INPP5D: variants seen among roughly 807,000 people sequenced by gnomAD.
INPP5D encodes inositol polyphosphate-5-phosphatase D.
INPP5D carries 33 observed loss-of-function variants against 122.9 expected under a neutral mutation model. The observed-to-expected ratio is 0.27, with a 90% confidence interval of 0.20 to 0.36. The LOEUF (loss-of-function observed/expected upper bound fraction) is 0.36. Ranked by LOEUF, INPP5D falls within the 10% of genes least tolerant of loss-of-function variation. INPP5D has a pLI of 1.00. For synonymous variants in INPP5D, 584 were observed against 576.2 expected, an observed-to-expected ratio of 1.01 and a Z score of -0.19; for missense variants, 1,053 against 1,412.7, an observed-to-expected ratio of 0.75 and a Z score of 4.08.
intron 23 of INPP5D, among the ~76,000 whole-genome samples, chr2:233,194,802 T>C (rs554468424): frequency 1.5e-4 from 22 of 151,246 alleles, no homozygotes; most frequent in African/African-American, 4.6e-4. Context: ...GAGCCTTTTT[T>C]TTTCTTTCTT....
At chr2:233,129,193 TGA>T (rs1168320856) in intron 4 of INPP5D, among the ~76,000 whole-genome samples, 1 of 152,020 alleles carries the variant, frequency 6.6e-6, no homozygotes, top group East Asian at 1.9e-4. Context: ...AATAAATAAA[TGA>T]AGGCTTGTAA....
Position 233,200,643 on chromosome 2 carries a change from C to T in INPP5D, c.2975+2267C>T, listed in dbSNP as rs1284523591. On this transcript the variant is annotated intron_variant, in intron 25 of 26. Transcript: ENST00000445964. ...AGAAGCTGTTGACAGTCTCATTTCT[C>T]AAAATATGCGAGATATGCTCTAAGA... 3.9e-5 allele frequency among the ~76,000 whole-genome samples: 6 copies of T among 152,172 alleles called. 1 individual carries two copies. The highest frequency in any genetic ancestry group is 1.4e-4 in the African/African-American group (6 of 41,432).
At chr2:233,191,481 G>T (rs915744937) in intron 22 of INPP5D, among the ~76,000 whole-genome samples, 1 of 152,166 alleles carries the variant, frequency 6.6e-6, no homozygotes, top group African/African-American at 2.4e-5. Context: ...TCTTGCACTG[G>T]GTTAGATGCA....
In INPP5D at chr2:233,170,065, C is replaced by T; in HGVS notation, c.1692C>T (p.Ala564=). Residue 564 remains alanine, a synonymous_variant, in exon 15 of 27, where the codon GCC becomes GCT. Transcript: ENST00000445964. This position sits in a 1 kb window ranked among gnomAD's most constrained non-coding sequence, Gnocchi z 4.5. ...QNYMNILRFL[A]LGDKKLSPFN... ...ATATGAACATTCTCCGGTTCCTGGC[C>T]CTGGGCGACAAGAAGCTGAGTCCCT... is the stretch of plus-strand genomic sequence containing the variant. 6.2e-7 allele frequency: 1 copy of T among 1,614,060 alleles called. No individual in the cohort carries two copies. The highest frequency in any genetic ancestry group is 2.2e-5 in the East Asian group (1 of 44,892).
At chr2:233,075,617 G>GTA (rs899055989) in intron 1 of INPP5D, among the ~76,000 whole-genome samples, 2 of 152,036 alleles carry the variant, frequency 1.3e-5, no homozygotes, top group African/African-American at 4.8e-5. Flanking sequence ...GTGTGTGTGT[G>GTA]TATATAGGAC....
intron 24 of INPP5D, among the ~76,000 whole-genome samples, chr2:233,196,963 A>G (rs1264060881): frequency 6.6e-6 from 1 of 152,186 alleles, no homozygotes; most frequent in Non-Finnish European, 1.5e-5. Context: ...TTTCCCTCCC[A>G]TGATAATCCC....
chr2:233,110,887 T>A (rs1363506407), intron 2 of INPP5D, among the ~76,000 whole-genome samples: 1 of 151,268 alleles, frequency 6.6e-6, no homozygotes, highest in African/African-American at 2.4e-5. Flanking sequence ...ATCACACCAC[T>A]GCACTCCAGC....
chr2:233,130,691 C>T, intron 5 of INPP5D, 43 bp downstream of exon 5: 5 of 1,609,786 alleles, frequency 3.1e-6, no homozygotes, highest in Non-Finnish European at 3.4e-6. Flanking sequence ...GGGCGGCCAC[C>T]AGGTGAGAGA....
chr2:233,136,592 G>A (rs1051360652), intron 5 of INPP5D, among the ~76,000 whole-genome samples: 1 of 152,110 alleles, frequency 6.6e-6, no homozygotes, highest in Non-Finnish European at 1.5e-5. Flanking sequence ...CCAGGACCCA[G>A]CAAAGTACAT....
intron 2 of INPP5D, among the ~76,000 whole-genome samples, chr2:233,098,558 G>A (rs992273272): frequency 1.3e-4 from 20 of 152,126 alleles, no homozygotes; most frequent in Non-Finnish European, 2.6e-4. Flanking sequence ...CCTGGATCCC[G>A]GTTCTCCCCT....
In INPP5D at chr2:233,170,350, C is replaced by A. The variant is rs1272975959; in HGVS notation, c.1792-146C>A. ...GCTCCTCACGGTTCCCCTGTGCTCACACCCGGTTCCCATAACTGTCACAGC... is the reference window on the plus strand; with the variant it reads ...GCTCCTCACGGTTCCCCTGTGCTCAAACCCGGTTCCCATAACTGTCACAGC... On this transcript the variant is annotated intron_variant, in intron 15 of 26. Coordinates refer to ENST00000445964, the MANE Select transcript of INPP5D (RefSeq NM_001017915.3). This position sits in a 1 kb window ranked among gnomAD's most constrained non-coding sequence, Gnocchi z 4.5. 1 of 1,488,382 alleles carries A rather than the reference C, an allele frequency of 6.7e-7. No homozygotes were observed. The highest frequency in any genetic ancestry group is 9.0e-7 in the Non-Finnish European group (1 of 1,108,342). The allele number at this position is 1,488,382 out of a possible 1,614,324, so 92.2% of individuals were successfully genotyped here. A position where few individuals can be genotyped will look rare whatever the true frequency, so the allele number is the denominator to read the frequency against.
Position 233,204,679 on chromosome 2 carries a change from G to A in INPP5D, c.3529G>A (p.Glu1177Lys), listed in dbSNP as rs1417731574. 25 of 1,567,028 alleles carry A rather than the reference G, an allele frequency of 1.6e-5. No homozygotes were observed. The Admixed American group carries it at 4.2e-4, about 26-fold the overall frequency. ...GCATCACGGCAAGCACCGGCCGGAG[G>A]AGGGGCCACCAGGGCCTCTAGGCAG... ...LPHHGKHRPE[E>K]GPPGPLGRTA... is the part of the protein sequence containing the mutation. Residue 1177 changes from glutamate (E) to lysine (K), a missense_variant, in exon 26 of 27, where the codon GAG (glutamate) becomes AAG (lysine). This residue lies in a region of INPP5D where 417 missense variants were observed against 425.8 expected (regional missense o/e 0.98). Coordinates refer to ENST00000445964, the MANE Select transcript of INPP5D (RefSeq NM_001017915.3).
intron 6 of INPP5D, among the ~76,000 whole-genome samples, chr2:233,143,947 G>T (rs1322784227): frequency 6.6e-6 from 1 of 151,560 alleles, no homozygotes; most frequent in Non-Finnish European, 1.5e-5. Context: ...GATGGTGGTG[G>T]TGATGGTGAT....
chr2:233,073,343 A>G (rs1009584195), intron 1 of INPP5D, among the ~76,000 whole-genome samples: 4 of 152,166 alleles, frequency 2.6e-5, no homozygotes, highest in Admixed American at 2.0e-4. Context: ...TTTATATTCT[A>G]AAAAATGATC....
intron 6 of INPP5D, chr2:233,140,227 A>G (rs930366615): frequency 5.3e-6 from 1 of 190,192 alleles, no homozygotes; most frequent in Non-Finnish European, 1.1e-5. Context: ...ATCATTTCTT[A>G]TCAGAAACTG....
At chr2:233,201,843 G>A (rs1455529600) in intron 25 of INPP5D, among the ~76,000 whole-genome samples, 1 of 152,170 alleles carries the variant, frequency 6.6e-6, no homozygotes, top group Non-Finnish European at 1.5e-5. Flanking sequence ...ACAGTCATTT[G>A]CTGCAGGAAT....
intron 25 of INPP5D, among the ~76,000 whole-genome samples, chr2:233,199,115 T>G (rs1362033379): frequency 1.3e-5 from 2 of 151,282 alleles, no homozygotes. Flanking sequence ...CCAGGCATGG[T>G]GGCTCACACC....
intron 17 of INPP5D, among the ~76,000 whole-genome samples, chr2:233,176,290 C>T (rs6709380): frequency 0.57 from 79,326 of 138,566 alleles, 22,528 homozygotes; most frequent in Non-Finnish European, 0.67. Flanking sequence ...GGTGTGTGAA[C>T]GGTCAATGGA....
Position 233,204,531 on chromosome 2 carries a change from G to A in INPP5D, c.3381G>A (p.Ser1127=), listed in dbSNP as rs934587895. The A allele has an allele frequency of 3.8e-6, 6 of 1,579,686 alleles. No individual in the cohort carries two copies. The highest frequency in any genetic ancestry group is 1.4e-5 in the African/African-American group (1 of 74,030). ...AGAGGCCCATCAAGCCTTCCAGATC[G>A]GAAATCAACCAGCAGACCCCGCCCA... ...PAKRPIKPSR[S]EINQQTPPTP... The change falls in exon 26 of 27, where the codon TCG becomes TCA. Residue 1127 remains serine, a synonymous_variant. Transcript: ENST00000445964.
Sources: allele counts gnomAD v4.1 joint callset (sites outside exome capture counted in the v4.1 genomes callset), GRCh38; gene constraint gnomAD v4.1.1; regional missense constraint gnomAD v4.1.1; non-coding constraint Gnocchi (gnomAD v3.1); transcripts MANE v1.5; gene names NCBI Gene and HGNC (gene_info 2026-07-23, HGNC 2026-07-21).